TMTC1: variants seen among roughly 807,000 people sequenced by gnomAD.
The protein encoded by TMTC1 is protein O-mannosyl-transferase TMTC1.
In TMTC1, 73 loss-of-function variants were observed where a neutral mutation model predicts 104.8. The ratio of observed to expected loss-of-function variants is 0.70; its 90% CI spans 0.58 to 0.85. The LOEUF is 0.85. Ranked by LOEUF, TMTC1 falls within the 40% of genes least tolerant of loss-of-function variation. TMTC1 has a pLI of 0.00. For synonymous variants in TMTC1, 434 were observed against 428.7 expected, an observed-to-expected ratio of 1.01 and a Z score of -0.15; for missense variants, 1,035 against 1,096.1, an observed-to-expected ratio of 0.94 and a Z score of 0.79.
chr12:29,571,328 C>T (rs1461956127), intron 9 of TMTC1, among the ~76,000 whole-genome samples: 1 of 151,966 alleles, frequency 6.6e-6, no homozygotes, highest in Admixed American at 6.6e-5. Flanking sequence ...GGGTGTTTCA[C>T]AGAAAACCAT....
At chr12:29,781,517 C>T (rs1218443538) in intron 1 of TMTC1, among the ~76,000 whole-genome samples, 2 of 152,138 alleles carry the variant, frequency 1.3e-5, no homozygotes, top group Non-Finnish European at 2.9e-5. Context: ...CCTGCTGTCT[C>T]CATTATGAAG....
intron 9 of TMTC1, among the ~76,000 whole-genome samples, 181 bp downstream of exon 9, chr12:29,571,924 T>C (rs889953991): frequency 6.6e-6 from 1 of 152,234 alleles, no homozygotes; most frequent in Non-Finnish European, 1.5e-5. Context: ...GTTATTGCAT[T>C]AATAGCAGAC....
intron 1 of TMTC1, among the ~76,000 whole-genome samples, chr12:29,782,247 G>C (rs1163996578): frequency 2.0e-5 from 3 of 152,234 alleles, no homozygotes; most frequent in African/African-American, 7.2e-5. Flanking sequence ...AGTCAAATAT[G>C]TAATTTTCTC....
At chr12:29,527,204 T>G (rs1301489200) in intron 11 of TMTC1, among the ~76,000 whole-genome samples, 1 of 152,220 alleles carries the variant, frequency 6.6e-6, no homozygotes, top group Non-Finnish European at 1.5e-5. Context: ...TTAAAAGGTT[T>G]TAAAAAGCAT....
intron 10 of TMTC1, among the ~76,000 whole-genome samples, chr12:29,542,211 C>A (rs1441666401): frequency 6.6e-6 from 1 of 152,094 alleles, no homozygotes; most frequent in Non-Finnish European, 1.5e-5. Flanking sequence ...GGCACAGACA[C>A]ACTTTGATTT....
At chr12:29,575,937 C>G (rs764747824) in intron 8 of TMTC1, among the ~76,000 whole-genome samples, 1 of 152,156 alleles carries the variant, frequency 6.6e-6, no homozygotes, top group African/African-American at 2.4e-5. Flanking sequence ...CAATAGCCGT[C>G]GTAACAGTTG....
At chr12:29,570,343 C>G (rs933032296) in intron 9 of TMTC1, among the ~76,000 whole-genome samples, 2 of 152,116 alleles carry the variant, frequency 1.3e-5, no homozygotes, top group African/African-American at 4.8e-5. Flanking sequence ...ATCTTACCCA[C>G]CAGAGATAAG....
chr12:29,505,641 A>C lies in TMTC1; in HGVS notation c.*1205T>G, dbSNP rs1383728128. 1 of 152,120 alleles carries C rather than the reference A, an allele frequency of 6.6e-6. No homozygotes were observed. Among genetic ancestry groups the C allele is most frequent in the African/African-American group, 2.4e-5 (1 of 41,460 alleles). The allele number at this position is 152,120 out of a possible 1,614,324, so 9.4% of individuals were successfully genotyped here. ...ATAAGTTATGAAATAAATAACACTA[A>C]AAATAAATGTCAAATTGTGAGTTCA... On this transcript the variant is annotated 3_prime_UTR_variant, in exon 18 of 18. Transcript: ENST00000539277.
At chr12:29,602,140 GT>G (rs1217939456) in intron 7 of TMTC1, among the ~76,000 whole-genome samples, 1 of 151,050 alleles carries the variant, frequency 6.6e-6, no homozygotes, top group Non-Finnish European at 1.5e-5. Context: ...GGCATCTCAT[GT>G]TTTTAAATTT....
At position 29,584,481 on chromosome 12, in the gene TMTC1, G is replaced by A. The variant is rs200191360; in HGVS notation, c.1251-907C>T. ...TTATACTTTAAGTTTTAGGGTACAT[G>A]TGCACAATGTGCAGGTTTGTTACAT... is the stretch of plus-strand genomic sequence containing the variant. On this transcript the variant is annotated intron_variant, in intron 7 of 17. Transcript: ENST00000539277. 2.0e-5 allele frequency among the ~76,000 whole-genome samples: 3 copies of A among 151,446 alleles called. No individual in the cohort carries two copies. In the East Asian group the frequency reaches 5.8e-4, roughly 29 times the overall value.
intron 5 of TMTC1, among the ~76,000 whole-genome samples, chr12:29,684,672 C>T (rs16934752): frequency 0.084 from 12,831 of 152,176 alleles, 716 homozygotes; most frequent in South Asian, 0.18. Flanking sequence ...AGATCTCTCT[C>T]TAGACTCAGA....
intron 1 of TMTC1, among the ~76,000 whole-genome samples, chr12:29,772,489 G>A (rs1182118267): frequency 2.6e-5 from 4 of 152,130 alleles, no homozygotes; most frequent in African/African-American, 9.7e-5. Flanking sequence ...TCTGGAAGAG[G>A]AGAATATTCC....
At chr12:29,723,343 A>C (rs76065975) in intron 5 of TMTC1, among the ~76,000 whole-genome samples, 219 of 152,342 alleles carry the variant, frequency 1.4e-3, no homozygotes, top group African/African-American at 5.1e-3. Flanking sequence ...CCTACAAAGC[A>C]GTTATTATGA....
intron 6 of TMTC1, among the ~76,000 whole-genome samples, chr12:29,611,454 G>T (rs1946844964): frequency 6.6e-6 from 1 of 152,066 alleles, no homozygotes; most frequent in South Asian, 2.1e-4. Flanking sequence ...CTTTTAGAAG[G>T]CACTTTATTG....
intron 7 of TMTC1, among the ~76,000 whole-genome samples, chr12:29,603,364 G>A (rs909956330): frequency 6.6e-6 from 1 of 151,756 alleles, no homozygotes; most frequent in Admixed American, 6.6e-5. Flanking sequence ...TTTTAGGAAA[G>A]TTCATACTTA....
At chr12:29,549,135 C>T (rs1194537578) in intron 10 of TMTC1, among the ~76,000 whole-genome samples, 2 of 150,290 alleles carry the variant, frequency 1.3e-5, no homozygotes, top group South Asian at 2.1e-4. Flanking sequence ...ATAACCCATA[C>T]CTGTAAACAA....
At chr12:29,614,999 G>A (rs1946940833) in intron 6 of TMTC1, among the ~76,000 whole-genome samples, 1 of 152,192 alleles carries the variant, frequency 6.6e-6, no homozygotes, top group African/African-American at 2.4e-5. Flanking sequence ...GACTGGAATG[G>A]AGAGAATTTT....
intron 2 of TMTC1, among the ~76,000 whole-genome samples, chr12:29,759,713 A>G (rs1943298790): frequency 6.6e-6 from 1 of 152,184 alleles, no homozygotes. Context: ...GGCTGACACC[A>G]GGGCTGAGGC....
intron 5 of TMTC1, among the ~76,000 whole-genome samples, chr12:29,695,059 C>T (rs9634105): frequency 0.15 from 22,797 of 152,152 alleles, 1,906 homozygotes; most frequent in East Asian, 0.34. Flanking sequence ...CTAGGAATCC[C>T]TCTTTGCACA....
Sources: gnomAD v4.1 joint callset for allele counts (sites outside exome capture counted in the v4.1 genomes callset) on GRCh38, gnomAD v4.1.1 for gene constraint, MANE v1.5 for transcripts, NCBI Gene and HGNC (gene_info 2026-07-23, HGNC 2026-07-21) for gene names.